NTNG1: variants seen among roughly 807,000 people sequenced by gnomAD.
NTNG1 encodes the protein netrin G1.
NTNG1 carries 16 observed loss-of-function variants against 54.0 expected under a neutral mutation model. That is an observed-to-expected ratio of 0.30 (90% CI 0.20 to 0.45). NTNG1 has a LOEUF of 0.45. Ranked by LOEUF, NTNG1 falls within the 20% of genes least tolerant of loss-of-function variation. The pLI is 1.00. For synonymous variants in NTNG1, 255 were observed against 263.1 expected (o/e 0.97, Z 0.30); for missense variants, 530 against 678.7 (o/e 0.78, Z 2.43).
At chr1:107,408,448 C>T (rs778756145) in intron 5 of NTNG1, 3 of 152,452 alleles carry the variant, frequency 2.0e-5, no homozygotes, top group Non-Finnish European at 4.4e-5. Context: ...GAAGAGAAAC[C>T]GCTCTTCAAC....
At chr1:107,259,628 G>T (rs933479211) in intron 2 of NTNG1, among the ~76,000 whole-genome samples, 2 of 151,986 alleles carry the variant, frequency 1.3e-5, no homozygotes, top group Non-Finnish European at 1.5e-5. Flanking sequence ...TTATTCTGCT[G>T]GGAATGAATA....
intron 2 of NTNG1, among the ~76,000 whole-genome samples, chr1:107,171,056 C>T (rs951056816): frequency 3.9e-5 from 6 of 152,100 alleles, no homozygotes; most frequent in Non-Finnish European, 8.8e-5. Context: ...ATTGACTCAT[C>T]TTATTTTGTC....
At chr1:107,338,938 GA>G (rs1668748407) in intron 3 of NTNG1, among the ~76,000 whole-genome samples, 1 of 151,738 alleles carries the variant, frequency 6.6e-6, no homozygotes, top group South Asian at 2.1e-4. Context: ...TTTTTCTTTG[GA>G]AAAGTGTTTT....
chr1:107,160,579 A>G (rs1033396775), intron 2 of NTNG1, among the ~76,000 whole-genome samples: 4 of 152,134 alleles, frequency 2.6e-5, no homozygotes, highest in Admixed American at 1.3e-4. Context: ...TAATTTAAAA[A>G]AATCTCAGCC....
chr1:107,144,663 T>C (rs898583379), intron 1 of NTNG1, among the ~76,000 whole-genome samples: 1 of 152,040 alleles, frequency 6.6e-6, no homozygotes, highest in Non-Finnish European at 1.5e-5. Flanking sequence ...AGCTGCAGAA[T>C]CCTGGACAAA....
At chr1:107,161,624 G>T (rs1385477484) in intron 2 of NTNG1, among the ~76,000 whole-genome samples, 1 of 150,294 alleles carries the variant, frequency 6.7e-6, no homozygotes, top group South Asian at 2.1e-4. Context: ...TCGTGCCACT[G>T]CACGCCAGCC....
At chr1:107,183,614 CT>C (rs1199990014) in intron 2 of NTNG1, among the ~76,000 whole-genome samples, 1 of 152,022 alleles carries the variant, frequency 6.6e-6, no homozygotes, top group African/African-American at 2.4e-5. Flanking sequence ...GGACATCGAG[CT>C]TTTGTTTTTG....
chr1:107,286,028 G>A lies in NTNG1; in HGVS notation c.247-38254G>A, dbSNP rs573024329. Among the ~76,000 whole-genome samples, 6 of 152,232 alleles carry A rather than the reference G, an allele frequency of 3.9e-5. No individual in the cohort carries two copies. In the South Asian group the frequency reaches 1.2e-3, roughly 32 times the overall value. On this transcript the variant is annotated intron_variant, in intron 2 of 7. Transcript: ENST00000370068. ...CAAAGAGACTATGAAGAGGCTGTAG[G>A]AGATCTGCAGTCGCTTTGTCATTTC...
At chr1:107,387,597 A>G (rs1672093006) in intron 3 of NTNG1, among the ~76,000 whole-genome samples, 1 of 152,160 alleles carries the variant, frequency 6.6e-6, no homozygotes, top group African/African-American at 2.4e-5. Context: ...GCTGTCTAGA[A>G]CCTTGAGTCT....
intron 7 of NTNG1, chr1:107,460,371 C>T (rs761421322): frequency 7.7e-6 from 4 of 518,726 alleles, no homozygotes; most frequent in South Asian, 2.8e-5. Flanking sequence ...CCTCAGCTTT[C>T]CTTCTGAGCC....
chr1:107,465,879 A>G (rs530136245), intron 7 of NTNG1, among the ~76,000 whole-genome samples: 18 of 152,356 alleles, frequency 1.2e-4, no homozygotes, highest in Admixed American at 3.3e-4. Context: ...GATATATTCA[A>G]TTAGATAACA....
At chr1:107,297,236 T>TGC in intron 2 of NTNG1, among the ~76,000 whole-genome samples, 1 of 60,824 alleles carries the variant, frequency 1.6e-5, no homozygotes, top group East Asian at 1.1e-3. Flanking sequence ...TATATATATA[T>TGC]ATATATATAT....
chr1:107,467,085 A>G (rs1677651958), intron 7 of NTNG1, among the ~76,000 whole-genome samples: 1 of 152,158 alleles, frequency 6.6e-6, no homozygotes, highest in Non-Finnish European at 1.5e-5. Flanking sequence ...GAATTACTTA[A>G]TGTTACTCAT....
At chr1:107,286,850 G>A (rs1665232464) in intron 2 of NTNG1, among the ~76,000 whole-genome samples, 1 of 152,028 alleles carries the variant, frequency 6.6e-6, no homozygotes, top group African/African-American at 2.4e-5. Context: ...TAAAGATTTT[G>A]CCAAGAAAAG....
At chr1:107,226,612 A>G (rs891587452) in intron 2 of NTNG1, among the ~76,000 whole-genome samples, 2 of 152,134 alleles carry the variant, frequency 1.3e-5, no homozygotes, top group South Asian at 2.1e-4. Context: ...TCCCCAGGCC[A>G]CATCAGCCCA....
chr1:107,252,430 T>C (rs758109370), intron 2 of NTNG1, among the ~76,000 whole-genome samples: 4 of 152,162 alleles, frequency 2.6e-5, no homozygotes, highest in Admixed American at 6.5e-5. Flanking sequence ...CTCCAACAGG[T>C]AATCATGCCA....
At chr1:107,185,901 TA>T (rs1056664226) in intron 2 of NTNG1, among the ~76,000 whole-genome samples, 3 of 152,064 alleles carry the variant, frequency 2.0e-5, no homozygotes, top group African/African-American at 7.2e-5. Context: ...GTTTAAAGGG[TA>T]AAAGTGCAGT....
intron 2 of NTNG1, among the ~76,000 whole-genome samples, chr1:107,179,915 A>T (rs188154374): frequency 6.6e-6 from 1 of 152,134 alleles, no homozygotes; most frequent in Admixed American, 6.6e-5. Flanking sequence ...TACATTAGTA[A>T]GTTGCATGTC....
chr1:107,187,560 G>A (rs1053628959), intron 2 of NTNG1, among the ~76,000 whole-genome samples: 1 of 152,070 alleles, frequency 6.6e-6, no homozygotes, highest in Non-Finnish European at 1.5e-5. Context: ...CAGGATAGGG[G>A]GTTGCCCTTT....
Sources: gnomAD v4.1 joint callset for allele counts (sites outside exome capture counted in the v4.1 genomes callset) on GRCh38, gnomAD v4.1.1 for gene constraint, MANE v1.5 for transcripts, NCBI Gene and HGNC (gene_info 2026-07-23, HGNC 2026-07-21) for gene names.